The following CSMD3 variants were observed in gnomAD, a reference collection of about 807,000 sequenced individuals.
The protein encoded by CSMD3 is CUB and Sushi multiple domains 3, also known as CUB and sushi domain-containing protein 3.
A neutral mutation model predicts 435.2 loss-of-function variants in CSMD3; 177 were observed. That is an observed-to-expected ratio of 0.41 (90% confidence interval 0.36 to 0.46). The LOEUF (loss-of-function observed/expected upper bound fraction) is 0.46, where lower values mean the gene tolerates loss of function less well. Among genes scored for constraint, CSMD3 ranks in the 20% least tolerant of loss-of-function variants. The pLI is 0.34. For synonymous variants in CSMD3, 1,656 were observed against 1,520.5 expected (o/e 1.09, Z -2.07); for missense variants, 4,265 against 4,504.6 (o/e 0.95, Z 1.52).
At chr8:112,855,824 T>TG (rs2080640488) in intron 11 of CSMD3, among the ~76,000 whole-genome samples, 1 of 151,226 alleles carries the variant, frequency 6.6e-6, no homozygotes, top group Non-Finnish European at 1.5e-5. Context: ...TTTTTTTTTT[T>TG]TCTTTGTCTC....
intron 13 of CSMD3, among the ~76,000 whole-genome samples, chr8:112,763,061 A>C (rs1470366067): frequency 6.6e-6 from 1 of 151,942 alleles, no homozygotes; most frequent in East Asian, 1.9e-4. Context: ...TCTCACCACA[A>C]AAATGATAAC....
chr8:112,462,668 T>C lies in CSMD3; in HGVS notation c.5395+9923A>G, dbSNP rs1441060093. 7.4e-5 allele frequency among the ~76,000 whole-genome samples: 10 copies of C among 134,472 alleles called. No homozygotes were observed. The East Asian group carries it at 2.6e-3, about 35-fold the overall frequency. The allele number at this position is 134,472 out of a possible 152,430, so 88.2% of individuals were successfully genotyped here. ...AGATAATATAATAACAACAGAAAGA[T>C]ATATATGACTATATATATGATACAC... On this transcript the variant is annotated intron_variant, in intron 32 of 70. Transcript: ENST00000297405.
At chr8:112,417,246 G>A (rs956392652) in intron 32 of CSMD3, among the ~76,000 whole-genome samples, 3 of 152,102 alleles carry the variant, frequency 2.0e-5, no homozygotes, top group African/African-American at 7.2e-5. Context: ...AAAGAGTTAA[G>A]CATTCAATTT....
intron 13 of CSMD3, among the ~76,000 whole-genome samples, chr8:112,756,576 T>A (rs981170988): frequency 1.3e-5 from 2 of 152,150 alleles, no homozygotes; most frequent in African/African-American, 4.8e-5. Flanking sequence ...CCCAAGAATA[T>A]AATTTATTTT....
At chr8:112,962,691 G>C (rs2084275625) in intron 7 of CSMD3, among the ~76,000 whole-genome samples, 1 of 151,808 alleles carries the variant, frequency 6.6e-6, no homozygotes, top group African/African-American at 2.4e-5. Context: ...ACATAGATGG[G>C]TTCTGATGGT....
intron 22 of CSMD3, among the ~76,000 whole-genome samples, chr8:112,595,271 G>C (rs1040711949): frequency 2.0e-5 from 3 of 152,084 alleles, no homozygotes; most frequent in African/African-American, 7.2e-5. Flanking sequence ...ATCAGCAATG[G>C]AAGATGAAAC....
At chr8:112,657,448 C>A (rs1214988770) in intron 17 of CSMD3, among the ~76,000 whole-genome samples, 3 of 152,260 alleles carry the variant, frequency 2.0e-5, no homozygotes, top group African/African-American at 7.2e-5. Context: ...AACCTCTATT[C>A]TATGATGTCT....
chr8:112,536,272 A>G (rs1400967492), intron 27 of CSMD3, among the ~76,000 whole-genome samples: 1 of 152,002 alleles, frequency 6.6e-6, no homozygotes, highest in Non-Finnish European at 1.5e-5. Context: ...CAACCTACTC[A>G]TCTGACAAAG....
intron 8 of CSMD3, among the ~76,000 whole-genome samples, chr8:112,948,280 G>T (rs1272042230): frequency 6.6e-6 from 1 of 151,876 alleles, no homozygotes; most frequent in Non-Finnish European, 1.5e-5. Context: ...TATTATTTTT[G>T]AAGGTGTAAT....
At chr8:112,816,975 T>C (rs1476596017) in intron 12 of CSMD3, among the ~76,000 whole-genome samples, 1 of 152,040 alleles carries the variant, frequency 6.6e-6, no homozygotes, top group East Asian at 1.9e-4. Context: ...CCTGGAGAAT[T>C]CAGAATTCCA....
At chr8:112,461,376 A>G (rs888881634) in intron 32 of CSMD3, among the ~76,000 whole-genome samples, 7 of 152,188 alleles carry the variant, frequency 4.6e-5, no homozygotes, top group Non-Finnish European at 1.0e-4. Flanking sequence ...TGACTTCTCC[A>G]TAAAAAGTTT....
chr8:112,663,520 A>G (rs1373809200), intron 17 of CSMD3, among the ~76,000 whole-genome samples: 1 of 151,444 alleles, frequency 6.6e-6, no homozygotes, highest in African/African-American at 2.4e-5. Context: ...TAGCATTAGG[A>G]GATATACTTA....
chr8:112,298,080 A>T (rs1221360213), intron 53 of CSMD3, among the ~76,000 whole-genome samples: 6 of 149,904 alleles, frequency 4.0e-5, no homozygotes, highest in Non-Finnish European at 8.9e-5. Flanking sequence ...AAAAAAAAAA[A>T]AAAAAAAAAA....
At chr8:112,624,125 T>C (rs1398857008) in intron 22 of CSMD3, among the ~76,000 whole-genome samples, 1 of 152,110 alleles carries the variant, frequency 6.6e-6, no homozygotes, top group Non-Finnish European at 1.5e-5. Flanking sequence ...AAAGAATAAT[T>C]TTAATGTTGT....
chr8:112,580,751 A>C lies in CSMD3; in HGVS notation c.3885+6315T>G, dbSNP rs140895957. 3.5e-3 allele frequency among the ~76,000 whole-genome samples: 536 copies of C among 152,190 alleles called. 2 individuals are homozygous for C. Among genetic ancestry groups the C allele is most frequent in the African/African-American group, 0.012 (515 of 41,562 alleles). ...CAGTGGATGCCCAATTGTACTGCTG[A>C]CTTCAGACCAAGTAGCAAATGAGAG... On this transcript the variant is annotated intron_variant, in intron 23 of 70. Transcript: ENST00000297405.
chr8:112,665,764 T>G (rs1164461319), intron 17 of CSMD3, among the ~76,000 whole-genome samples: 1 of 152,156 alleles, frequency 6.6e-6, no homozygotes. Flanking sequence ...ATATAGTTTA[T>G]TTGATCAGTA....
intron 3 of CSMD3, among the ~76,000 whole-genome samples, chr8:113,239,112 C>A (rs970893082): frequency 2.0e-5 from 3 of 152,118 alleles, no homozygotes; most frequent in South Asian, 2.1e-4. Context: ...TGGGACACTA[C>A]GCTTTTCCTG....
intron 5 of CSMD3, among the ~76,000 whole-genome samples, chr8:113,054,817 T>C (rs748992993): frequency 4.6e-5 from 7 of 152,118 alleles, no homozygotes; most frequent in Non-Finnish European, 1.5e-5. Context: ...TTTCATCCAC[T>C]CCACTTTACT....
At chr8:112,540,613 T>G (rs1826574811) in intron 27 of CSMD3, among the ~76,000 whole-genome samples, 1 of 151,976 alleles carries the variant, frequency 6.6e-6, no homozygotes, top group Non-Finnish European at 1.5e-5. Flanking sequence ...AAACATAAAA[T>G]CATGTCATTT....
Sources: allele counts gnomAD v4.1 joint callset (sites outside exome capture counted in the v4.1 genomes callset), GRCh38; gene constraint gnomAD v4.1.1; transcripts MANE v1.5; gene names NCBI Gene and HGNC (gene_info 2026-07-23, HGNC 2026-07-21).